The following NOX5 variants were observed in gnomAD, a reference collection of about 807,000 sequenced individuals.
The protein encoded by NOX5 is NADPH oxidase 5.
NOX5 carries 76 observed loss-of-function variants against 85.7 expected under a neutral mutation model. That is an observed-to-expected ratio of 0.89 (90% CI 0.74 to 1.07). NOX5 has a LOEUF of 1.07. Ranked by LOEUF, NOX5 falls within the 50% of genes least tolerant of loss-of-function variation. The pLI is 0.00. For synonymous variants in NOX5, 405 were observed against 401.4 expected, an observed-to-expected ratio of 1.01 and a Z score of -0.11; for missense variants, 973 against 999.5, an observed-to-expected ratio of 0.97 and a Z score of 0.36.
chr15:69,018,968 T>C (rs890344513), intron 1 of NOX5, among the ~76,000 whole-genome samples: 1 of 152,206 alleles, frequency 6.6e-6, no homozygotes, highest in Non-Finnish European at 1.5e-5. Context: ...GCTCAAGCCA[T>C]CCTCCCACCT....
At chr15:69,041,616 C>G (rs139854920) in intron 9 of NOX5, among the ~76,000 whole-genome samples, 1 of 152,196 alleles carries the variant, frequency 6.6e-6, no homozygotes, top group Non-Finnish European at 1.5e-5. Context: ...TCCCAGGGCT[C>G]GTTGGGTCCT....
chr15:69,023,743 A>G (rs1413760581), intron 1 of NOX5: 1 of 170,094 alleles, frequency 5.9e-6, no homozygotes, highest in African/African-American at 2.4e-5. Flanking sequence ...ATTAAAGACA[A>G]AGGTGGACAC....
chr15:69,031,756 G>A lies in NOX5; in HGVS notation c.564G>A (p.Glu188=). The change falls in exon 4 of 16, where the codon GAG becomes GAA. Residue 188 remains glutamate, a synonymous_variant. Transcript: ENST00000388866. The stretch of plus-strand genomic sequence containing the variant: ...ACGGCAACGGGGCCATCACCTTCGA[G>A]GAGCTCCGGGACGAGCTGCAGCGCT... ...DADGNGAITF[E]ELRDELQRFP... is the part of the protein sequence containing the mutation. 6.2e-7 allele frequency: 1 copy of A among 1,609,542 alleles called. No homozygotes were observed. The highest frequency in any genetic ancestry group is 1.1e-5 in the South Asian group (1 of 90,934).
intron 5 of NOX5, among the ~76,000 whole-genome samples, chr15:69,035,128 A>T (rs548177467): frequency 6.6e-6 from 1 of 152,260 alleles, no homozygotes; most frequent in East Asian, 1.9e-4. Context: ...AATTAATACA[A>T]ATAGACATTC....
In NOX5 at chr15:69,058,861, G is replaced by T. The variant is rs911581637; in HGVS notation, c.*2165G>T. ...CTGGGGCACAGAAGGAAACTAAAGA[G>T]GGTGTTCTGACTTAAGGTTGGAGGA... On this transcript the variant is annotated 3_prime_UTR_variant, in exon 16 of 16. Transcript: ENST00000388866. The T allele has an allele frequency of 6.6e-6, 1 of 152,258 alleles. No homozygotes were observed. Among genetic ancestry groups the T allele is most frequent in the African/African-American group, 2.4e-5 (1 of 41,454 alleles). The allele number at this position is 152,258 out of a possible 1,614,324, so 9.4% of individuals were successfully genotyped here.
At chr15:69,018,794 T>C (rs1466900827) in intron 1 of NOX5, among the ~76,000 whole-genome samples, 2 of 152,172 alleles carry the variant, frequency 1.3e-5, no homozygotes, top group Non-Finnish European at 2.9e-5. Flanking sequence ...GGGCCAGAGC[T>C]CACTGATGGC....
chr15:69,028,845 T>TG (rs398118967), intron 3 of NOX5: 1 of 151,434 alleles, frequency 6.6e-6, no homozygotes, highest in East Asian at 1.9e-4. Context: ...TTTTTTTTTT[T>TG]AACAAAATGG....
intron 5 of NOX5, among the ~76,000 whole-genome samples, chr15:69,033,885 G>C (rs2140261233): frequency 6.6e-6 from 1 of 151,880 alleles, no homozygotes; most frequent in Admixed American, 6.6e-5. Context: ...GTAGAGATGG[G>C]GTTTCACCAT....
chr15:69,049,097 G>T (rs934520816), intron 14 of NOX5, 39 bp downstream of exon 14: 2 of 1,366,422 alleles, frequency 1.5e-6, no homozygotes, highest in East Asian at 2.3e-5. Context: ...TAGGAGTAGG[G>T]CAGGGGCCTT....
intron 1 of NOX5, chr15:69,023,038 G>A (rs1035693158): frequency 5.6e-5 from 26 of 462,792 alleles, no homozygotes; most frequent in Non-Finnish European, 3.9e-5. Context: ...GCTTAAGAGG[G>A]CTTGGGGTAC....
chr15:69,016,312 C>A (rs529157205), intron 1 of NOX5, among the ~76,000 whole-genome samples: 58 of 152,240 alleles, frequency 3.8e-4, no homozygotes, highest in Admixed American at 1.2e-3. Context: ...TCTCACCCCC[C>A]TCCTCCACAG....
At chr15:69,016,117 C>T (rs1413160733) in intron 1 of NOX5, among the ~76,000 whole-genome samples, 1 of 152,220 alleles carries the variant, frequency 6.6e-6, no homozygotes, top group Non-Finnish European at 1.5e-5. Flanking sequence ...GTAATAATAC[C>T]TACCTCACTG....
chr15:69,048,877 T>C, intron 13 of NOX5, 82 bp from the exon 14 acceptor site: 1 of 985,112 alleles, frequency 1.0e-6, no homozygotes, highest in Non-Finnish European at 1.6e-6. Flanking sequence ...AGGGTGGTCA[T>C]ATGGGTCCCA....
chr15:69,018,555 T>C lies in NOX5; in HGVS notation c.50+3770T>C, dbSNP rs1435103692. ...CCCCACCCCCACCCCCACAAGACTC[T>C]TTTGTGTTACTGGACGCCCAAAGCT... On this transcript the variant is annotated intron_variant, in intron 1 of 15. Coordinates refer to ENST00000388866, the MANE Select transcript of NOX5 (RefSeq NM_024505.4). 2.1e-4 allele frequency among the ~76,000 whole-genome samples: 18 copies of C among 84,118 alleles called. No individual in the cohort carries two copies. The Admixed American group carries it at 3.5e-3, about 16-fold the overall frequency. The allele number at this position is 84,118 out of a possible 152,430, so 55.2% of individuals were successfully genotyped here.
chr15:69,022,884 G>A (rs1320924384), intron 1 of NOX5: 1 of 434,870 alleles, frequency 2.3e-6, no homozygotes, highest in Non-Finnish European at 4.6e-6. Flanking sequence ...CACAGCAAAT[G>A]CTGACCTTTT....
chr15:69,048,851 G>A, intron 13 of NOX5, 108 bp from the exon 14 acceptor site: 1 of 691,144 alleles, frequency 1.4e-6, no homozygotes, highest in South Asian at 2.0e-5. Context: ...GTATCTGAAT[G>A]TTCCCTGCTT....
chr15:69,033,455 G>T (rs1490700829), intron 5 of NOX5, among the ~76,000 whole-genome samples, 178 bp downstream of exon 5: 1 of 152,182 alleles, frequency 6.6e-6, no homozygotes, highest in East Asian at 1.9e-4. Context: ...ACAGTAGCTT[G>T]TCCACAGTCA....
Position 69,055,644 on chromosome 15 carries a change from G to T in NOX5, c.2166+144G>T, listed in dbSNP as rs2050803386. 5 of 793,916 alleles carry T rather than the reference G, an allele frequency of 6.3e-6. No homozygotes were observed. In the South Asian group the frequency reaches 7.3e-5, roughly 12 times the overall value. 49.2% of individuals were successfully genotyped at this position (793,916 alleles called of 1,614,324 possible). Reference sequence around the variant, plus strand: ...CAGAAGGGACCTCGTGGTGTGAAAGGTAAACAGGGCACCTACACTGGCTTT... The same window carrying T: ...CAGAAGGGACCTCGTGGTGTGAAAGTTAAACAGGGCACCTACACTGGCTTT... On this transcript the variant is annotated intron_variant, in intron 15 of 15. Transcript: ENST00000388866.
rs2050881456 is a variant in NOX5, at chr15:69,062,637, G to T, written c.*5941G>T. 6.6e-6 allele frequency: 1 copy of T among 152,164 alleles called. No individual in the cohort carries two copies. The highest frequency in any genetic ancestry group is 6.5e-5 in the Admixed American group (1 of 15,284). The allele number at this position is 152,164 out of a possible 1,614,324, so 9.4% of individuals were successfully genotyped here. A position where few individuals can be genotyped will look rare whatever the true frequency, so the allele number is the denominator to read the frequency against. On this transcript the variant is annotated 3_prime_UTR_variant, in exon 16 of 16. Transcript: ENST00000388866. The stretch of plus-strand genomic sequence containing the variant: ...TTTGCTTCTGCATCGCCTGACACTT[G>T]GAGCACCCTTCTCCACTTTCAGATT...
Sources: allele counts gnomAD v4.1 joint callset (sites outside exome capture counted in the v4.1 genomes callset), GRCh38; gene constraint gnomAD v4.1.1; transcripts MANE v1.5; gene names NCBI Gene and HGNC (gene_info 2026-07-23, HGNC 2026-07-21).